The following SDK1 variants were observed in gnomAD, a reference collection of about 807,000 sequenced individuals.
The protein encoded by SDK1 is protein sidekick-1.
In SDK1, 157 loss-of-function variants were observed where a neutral mutation model predicts 245.5. The ratio of observed to expected loss-of-function variants is 0.64; its 90% CI spans 0.56 to 0.73. The LOEUF (loss-of-function observed/expected upper bound fraction) is 0.73, where lower values mean the gene tolerates loss of function less well. Among genes scored for constraint, SDK1 ranks in the 30% least tolerant of loss-of-function variants. SDK1 has a pLI of 0.00. For missense variants in SDK1, 3,583 were observed against 3,002.3 expected, an observed-to-expected ratio of 1.19 and a Z score of -4.52; for synonymous variants, 1,647 against 1,278.5, an observed-to-expected ratio of 1.29 and a Z score of -6.15.
intron 35 of SDK1, among the ~76,000 whole-genome samples, chr7:4,184,452 CATAAG>C (rs72489985): frequency 0.22 from 33,829 of 151,908 alleles, 3,793 homozygotes; most frequent in Middle Eastern, 0.37. Flanking sequence ...CAGTCCTGCT[CATAAG>C]ATGAGTGTCC....
At chr7:4,233,107 G>A (rs866717854) in intron 40 of SDK1, 148 bp from the exon 41 acceptor site, 40 of 660,376 alleles carry the variant, frequency 6.1e-5, no homozygotes, top group South Asian at 4.0e-4. Flanking sequence ...CTGAGACTCC[G>A]TCCCCATTCA....
chr7:4,170,045 C>G (rs1781743203), intron 32 of SDK1, among the ~76,000 whole-genome samples: 3 of 152,218 alleles, frequency 2.0e-5, no homozygotes, highest in South Asian at 4.1e-4. Context: ...CACATACCGA[C>G]TTTTCCAACT....
At chr7:4,241,150 A>C (rs541679259) in intron 42 of SDK1, among the ~76,000 whole-genome samples, 2 of 152,160 alleles carry the variant, frequency 1.3e-5, no homozygotes, top group Non-Finnish European at 2.9e-5. Context: ...TCAGTGGTGA[A>C]CGCACAGGTA....
intron 1 of SDK1, among the ~76,000 whole-genome samples, chr7:3,603,001 G>A (rs1023454450): frequency 6.6e-6 from 1 of 152,158 alleles, no homozygotes; most frequent in Non-Finnish European, 1.5e-5. Flanking sequence ...TATACATGCA[G>A]CATTATTTCT....
chr7:3,725,694 G>A lies in SDK1; in HGVS notation c.713+83589G>A, dbSNP rs552347222. On this transcript the variant is annotated intron_variant, in intron 4 of 44. Coordinates refer to ENST00000404826, the MANE Select transcript of SDK1 (RefSeq NM_152744.4). ...ATTCTCTGTCCCTGGAGCCCCAGCC[G>A]TAAGTGGACAAACTTCAGTTGCCGG... 7.9e-5 allele frequency among the ~76,000 whole-genome samples: 12 copies of A among 152,284 alleles called. No homozygotes were observed. In the South Asian group the frequency reaches 8.3e-4, roughly 11 times the overall value.
chr7:3,345,979 A>T (rs147873773), intron 1 of SDK1, among the ~76,000 whole-genome samples: 28 of 152,288 alleles, frequency 1.8e-4, no homozygotes, highest in Middle Eastern at 3.4e-3. Context: ...CATAATAATT[A>T]AAACAGTTCT....
chr7:3,952,561 C>T (rs961623457), intron 7 of SDK1, among the ~76,000 whole-genome samples: 1 of 151,844 alleles, frequency 6.6e-6, no homozygotes, highest in Admixed American at 6.6e-5. Context: ...CCAATCTGGG[C>T]CACAGGAGCA....
Position 4,211,777 on chromosome 7 carries a change from C to A in SDK1, c.5539+1615C>A, listed in dbSNP as rs575529754. On this transcript the variant is annotated intron_variant, in intron 38 of 44. Coordinates refer to ENST00000404826, the MANE Select transcript of SDK1 (RefSeq NM_152744.4). ...GGCGCCCACCACCACGCCCAGCTAA[C>A]TTTTTGTATTTTTAGTAGAGACAGG... is the stretch of plus-strand genomic sequence containing the variant. Among the ~76,000 whole-genome samples the A allele has an allele frequency of 1.2e-4, 19 of 152,106 alleles. No individual in the cohort carries two copies. In the East Asian group the frequency reaches 3.7e-3, roughly 29 times the overall value.
At chr7:3,525,372 G>T (rs1001841017) in intron 1 of SDK1, among the ~76,000 whole-genome samples, 1 of 151,994 alleles carries the variant, frequency 6.6e-6, no homozygotes, top group Non-Finnish European at 1.5e-5. Flanking sequence ...TTGCACCTAC[G>T]GAAAATCCTC....
In SDK1 at chr7:4,267,508, G is replaced by A. The variant is rs781597501; in HGVS notation, c.*2124G>A. 41 of 985,454 alleles carry A rather than the reference G, an allele frequency of 4.2e-5. No individual in the cohort carries two copies. Among genetic ancestry groups the A allele is most frequent in the Non-Finnish European group, 4.9e-5 (41 of 829,948 alleles). 61.0% of individuals were successfully genotyped at this position (985,454 alleles called of 1,614,324 possible). On this transcript the variant is annotated 3_prime_UTR_variant, in exon 45 of 45. Transcript: ENST00000404826. ...CCTCCTTCCCCTCGGCCCCGGAGAG[G>A]GCGAAGTGGGCGGGAAGCCAGGATG...
chr7:3,548,517 G>A (rs577851487), intron 1 of SDK1, among the ~76,000 whole-genome samples: 28 of 152,218 alleles, frequency 1.8e-4, no homozygotes, highest in Admixed American at 1.4e-3. Context: ...ATTTTTTGTC[G>A]TAAACAATGC....
At chr7:3,417,441 AACT>A (rs1328219123) in intron 1 of SDK1, among the ~76,000 whole-genome samples, 1 of 151,918 alleles carries the variant, frequency 6.6e-6, no homozygotes, top group Non-Finnish European at 1.5e-5. Context: ...TTTCTCTGCT[AACT>A]TTCTCTTTTT....
chr7:3,586,795 T>C (rs563286095), intron 1 of SDK1, among the ~76,000 whole-genome samples: 1 of 152,070 alleles, frequency 6.6e-6, no homozygotes, highest in African/African-American at 2.4e-5. Flanking sequence ...CTGGGTATCA[T>C]GTGGGATGTC....
chr7:3,694,463 C>T (rs1303964631), intron 4 of SDK1, among the ~76,000 whole-genome samples: 1 of 152,042 alleles, frequency 6.6e-6, no homozygotes, highest in Non-Finnish European at 1.5e-5. Context: ...TGGACTTGGC[C>T]GTGTACAGAG....
intron 4 of SDK1, among the ~76,000 whole-genome samples, chr7:3,723,904 A>G (rs1046917886): frequency 7.6e-6 from 1 of 130,876 alleles, no homozygotes; most frequent in Non-Finnish European, 1.6e-5. Flanking sequence ...GTGTATATAC[A>G]CGTACATATA....
intron 1 of SDK1, among the ~76,000 whole-genome samples, chr7:3,600,048 T>C (rs894833787): frequency 6.6e-6 from 1 of 152,240 alleles, no homozygotes; most frequent in Admixed American, 6.5e-5. Flanking sequence ...GTTGAGTCTT[T>C]AATTCTATGG....
chr7:3,417,172 A>G (rs549224683), intron 1 of SDK1, among the ~76,000 whole-genome samples: 5 of 152,146 alleles, frequency 3.3e-5, no homozygotes, highest in Non-Finnish European at 4.4e-5. Context: ...TAAACTCTGT[A>G]TAAAAACAAA....
At chr7:3,948,795 T>C (rs1048577884) in intron 5 of SDK1, among the ~76,000 whole-genome samples, 1 of 152,130 alleles carries the variant, frequency 6.6e-6, no homozygotes, top group Non-Finnish European at 1.5e-5. Context: ...CAAGGACCAT[T>C]CTCCTCAGGC....
chr7:3,558,802 A>T (rs1779665114), intron 1 of SDK1, among the ~76,000 whole-genome samples: 2 of 152,252 alleles, frequency 1.3e-5, no homozygotes, highest in South Asian at 2.1e-4. Flanking sequence ...TCTGCTAATG[A>T]CAAGGCAGTC....
Sources: allele counts gnomAD v4.1 joint callset (sites outside exome capture counted in the v4.1 genomes callset), GRCh38; gene constraint gnomAD v4.1.1; transcripts MANE v1.5; gene names NCBI Gene and HGNC (gene_info 2026-07-23, HGNC 2026-07-21).